Variants in LDB2 observed in about 807,000 individuals in gnomAD.
LDB2 encodes the protein LIM domain binding 2, also known as LIM domain-binding protein 2.
Under a neutral mutation model 44.3 loss-of-function variants are expected in LDB2, and 12 were observed. The observed-to-expected ratio is 0.27, with a 90% CI of 0.17 to 0.44. The LOEUF (loss-of-function observed/expected upper bound fraction) is 0.44. Ranked by LOEUF, LDB2 falls within the 20% of genes least tolerant of loss-of-function variation. The pLI, the probability that LDB2 is intolerant of heterozygous loss-of-function variation, is 1.00. For missense variants in LDB2, 344 were observed against 473.5 expected, an observed-to-expected ratio of 0.73 and a Z score of 2.54; for synonymous variants, 164 against 174.8, an observed-to-expected ratio of 0.94 and a Z score of 0.49.
chr4:16,604,191 A>G (rs1316744313), intron 2 of LDB2, among the ~76,000 whole-genome samples: 3 of 152,174 alleles, frequency 2.0e-5, no homozygotes, highest in African/African-American at 7.2e-5. Flanking sequence ...GTAGTTTTCT[A>G]TATTTGGATA....
At chr4:16,565,881 T>C (rs1330407157) in intron 5 of LDB2, among the ~76,000 whole-genome samples, 1 of 152,052 alleles carries the variant, frequency 6.6e-6, no homozygotes, top group Non-Finnish European at 1.5e-5. Flanking sequence ...GCCCAATTTG[T>C]GATCACGAAA....
At chr4:16,766,895 G>C (rs1376240699) in intron 1 of LDB2, among the ~76,000 whole-genome samples, 1 of 152,040 alleles carries the variant, frequency 6.6e-6, no homozygotes, top group African/African-American at 2.4e-5. Flanking sequence ...TAAACATTTT[G>C]CTACTAATAA....
chr4:16,599,184 C>T (rs143533541), intron 2 of LDB2, among the ~76,000 whole-genome samples: 5 of 152,216 alleles, frequency 3.3e-5, no homozygotes, highest in South Asian at 2.1e-4. Flanking sequence ...TTCATAGTCC[C>T]GACAATCAGA....
chr4:16,753,932 G>T (rs931872983), intron 2 of LDB2, among the ~76,000 whole-genome samples: 1 of 152,170 alleles, frequency 6.6e-6, no homozygotes, highest in Non-Finnish European at 1.5e-5. Flanking sequence ...TCAAAGGGAT[G>T]AAAGCGCTGC....
At chr4:16,566,778 TATAAC>T (rs1744682097) in intron 5 of LDB2, among the ~76,000 whole-genome samples, 1 of 152,160 alleles carries the variant, frequency 6.6e-6, no homozygotes, top group South Asian at 2.1e-4. Context: ...TTCTTTAAAA[TATAAC>T]ATCCTACATA....
intron 1 of LDB2, among the ~76,000 whole-genome samples, chr4:16,840,413 T>G (rs944052615): frequency 2.0e-5 from 3 of 152,198 alleles, no homozygotes; most frequent in African/African-American, 7.2e-5. Context: ...ATAATTTCCA[T>G]GTCCTCTTTT....
At chr4:16,836,309 A>G (rs998028541) in intron 1 of LDB2, among the ~76,000 whole-genome samples, 16 of 152,190 alleles carry the variant, frequency 1.1e-4, no homozygotes, top group African/African-American at 3.9e-4. Context: ...TGCACTGATT[A>G]AAAGTTTGGC....
intron 2 of LDB2, among the ~76,000 whole-genome samples, chr4:16,610,412 A>G (rs1484675939): frequency 3.3e-5 from 5 of 152,202 alleles, no homozygotes; most frequent in Admixed American, 6.5e-5. Context: ...ATAAAAAACT[A>G]TGATGAACTA....
intron 1 of LDB2, among the ~76,000 whole-genome samples, chr4:16,800,829 CA>C (rs1352277235): frequency 6.6e-6 from 1 of 152,172 alleles, no homozygotes; most frequent in Non-Finnish European, 1.5e-5. Context: ...CGCCCGCCAC[CA>C]ACGCCCGGCT....
At chr4:16,584,352 T>C (rs1222292396) in intron 5 of LDB2, among the ~76,000 whole-genome samples, 2 of 152,328 alleles carry the variant, frequency 1.3e-5, no homozygotes, top group East Asian at 1.9e-4. Flanking sequence ...TTCCTATCCA[T>C]ATCATCAGTC....
At chr4:16,697,266 TACACACACACAC>T (rs57040700) in intron 2 of LDB2, among the ~76,000 whole-genome samples, 41 of 130,752 alleles carry the variant, frequency 3.1e-4, no homozygotes, top group African/African-American at 1.1e-3. Flanking sequence ...CTACTAAAAA[TACACACACACAC>T]ACACACACAC....
chr4:16,743,016 G>T (rs1327957832), intron 2 of LDB2, among the ~76,000 whole-genome samples: 1 of 152,118 alleles, frequency 6.6e-6, no homozygotes, highest in African/African-American at 2.4e-5. Flanking sequence ...AGGGCCAGGT[G>T]TGGTGGCTCA....
At chr4:16,518,666 C>A (rs1724802777) in intron 5 of LDB2, among the ~76,000 whole-genome samples, 1 of 152,148 alleles carries the variant, frequency 6.6e-6, no homozygotes, top group African/African-American at 2.4e-5. Flanking sequence ...ACTATCTTGT[C>A]CTTCACAGAA....
chr4:16,577,768 T>C (rs1270819142), intron 5 of LDB2, among the ~76,000 whole-genome samples: 1 of 152,034 alleles, frequency 6.6e-6, no homozygotes, highest in East Asian at 1.9e-4. Flanking sequence ...GCCAAAGTTA[T>C]CCTGAACAAA....
chr4:16,520,051 G>A (rs750678778), intron 5 of LDB2, among the ~76,000 whole-genome samples: 13 of 151,964 alleles, frequency 8.6e-5, no homozygotes, highest in South Asian at 2.1e-4. Flanking sequence ...AGTAGCTAAC[G>A]TCTCCGATAA....
intron 5 of LDB2, among the ~76,000 whole-genome samples, chr4:16,558,797 G>A (rs941114862): frequency 6.6e-6 from 1 of 152,130 alleles, no homozygotes; most frequent in Non-Finnish European, 1.5e-5. Flanking sequence ...AAAATGTTAA[G>A]GGCAGCCAGA....
intron 1 of LDB2, among the ~76,000 whole-genome samples, chr4:16,820,259 A>G (rs1419590917): frequency 6.6e-6 from 1 of 152,202 alleles, no homozygotes; most frequent in Non-Finnish European, 1.5e-5. Flanking sequence ...GGGGTAGTTT[A>G]GTATTTTTAA....
chr4:16,696,857 C>T (rs1225525304), intron 2 of LDB2, among the ~76,000 whole-genome samples: 1 of 152,138 alleles, frequency 6.6e-6, no homozygotes, highest in Non-Finnish European at 1.5e-5. Context: ...TTTCCAGGCT[C>T]TACCCAGATT....
chr4:16,689,904 G>A (rs146236569), intron 2 of LDB2, among the ~76,000 whole-genome samples: 7 of 152,310 alleles, frequency 4.6e-5, no homozygotes, highest in Non-Finnish European at 8.8e-5. Context: ...CCTTGAAGCC[G>A]TAAATGTGAA....
Sources: allele counts gnomAD v4.1 joint callset (sites outside exome capture counted in the v4.1 genomes callset), GRCh38; gene constraint gnomAD v4.1.1; transcripts MANE v1.5; gene names NCBI Gene and HGNC (gene_info 2026-07-23, HGNC 2026-07-21).